SPOUT1: variants seen among roughly 807,000 people sequenced by gnomAD.
SPOUT1 encodes SPOUT domain containing methyltransferase 1.
Under a neutral mutation model 54.8 loss-of-function variants are expected in SPOUT1, and 40 were observed. That is an observed-to-expected ratio of 0.73 (90% confidence interval 0.57 to 0.95). The LOEUF (loss-of-function observed/expected upper bound fraction) is 0.95. SPOUT1 is among the 40% of genes least tolerant of loss of function. The pLI is 0.00. For synonymous variants in SPOUT1, 193 were observed against 200.3 expected (o/e 0.96, Z 0.31); for missense variants, 437 against 499.5 (o/e 0.87, Z 1.19).
chr9:128,824,132 A>G lies in SPOUT1; in HGVS notation c.854T>C (p.Leu285Pro). The G allele has an allele frequency of 6.2e-7, 1 of 1,613,676 alleles. No individual in the cohort carries two copies. The highest frequency in any genetic ancestry group is 8.5e-7 in the Non-Finnish European group (1 of 1,179,974). Residue 285 changes from leucine to proline, a missense_variant, in exon 10 of 12, where the codon CTG (leucine) becomes CCG (proline). By Grantham distance (98) the Leu-to-Pro change is moderately conservative. Transcript: ENST00000361256. ...GCCGCGCTCTGACGTCCCGATGGTC[A>G]GGTCATACCCATCTTGGAAGGGGGC... ...AEAPFQDGYD[L>P]TIGTSERGSD...
In SPOUT1 at chr9:128,819,772, C is replaced by G. The variant is rs1395888494; in HGVS notation, c.*2993G>C. 6.4e-6 allele frequency: 1 copy of G among 155,676 alleles called. No homozygotes were observed. The allele number at this position is 155,676 out of a possible 1,614,324, so 9.6% of individuals were successfully genotyped here. On this transcript the variant is annotated 3_prime_UTR_variant, in exon 12 of 12. Transcript: ENST00000361256. ...CTTGTTTTCCTGCAACTAGACAGTCCTATCTGGAGGTGATGGGCAACAACG... is the reference window on the plus strand; with the variant it reads ...CTTGTTTTCCTGCAACTAGACAGTCGTATCTGGAGGTGATGGGCAACAACG...
In SPOUT1 at chr9:128,824,067, C is replaced by T. The variant is rs766358513; in HGVS notation, c.914+5G>A. ...GCCCTGGCCGCAGCCCCAGGAGGTACACACCTGAAGTTGGGAAGCTGGGCA... is the reference window on the plus strand; with the variant it reads ...GCCCTGGCCGCAGCCCCAGGAGGTATACACCTGAAGTTGGGAAGCTGGGCA... On this transcript the variant is annotated splice_donor_5th_base_variant and intron_variant, in intron 10 of 11. Transcript: ENST00000361256. 5.0e-6 allele frequency: 8 copies of T among 1,611,164 alleles called. No homozygotes were observed. Among genetic ancestry groups the T allele is most frequent in the Non-Finnish European group, 6.8e-6 (8 of 1,177,816 alleles).
chr9:128,826,210 G>A lies in SPOUT1; in HGVS notation c.509-58C>T. 1 of 1,568,294 alleles carries A rather than the reference G, an allele frequency of 6.4e-7. No individual in the cohort carries two copies. Among genetic ancestry groups the A allele is most frequent in the African/African-American group, 1.3e-5 (1 of 74,236 alleles). ...GTGCTAGGGCACACAGGGTGCAGTGGGGACCCTGGAGCGGAGTACCGGCTC... is the reference window on the plus strand; with the variant it reads ...GTGCTAGGGCACACAGGGTGCAGTGAGGACCCTGGAGCGGAGTACCGGCTC... On this transcript the variant is annotated intron_variant, in intron 6 of 11. Transcript: ENST00000361256. This position sits in a 1 kb window ranked among gnomAD's most constrained non-coding sequence, Gnocchi z 5.5.
In SPOUT1 at chr9:128,825,956, T is replaced by C. The variant is rs532483467; in HGVS notation, c.639+66A>G. The C allele has an allele frequency of 2.4e-5, 38 of 1,605,970 alleles. No homozygotes were observed. In the Middle Eastern group the frequency reaches 2.0e-3, roughly 84 times the overall value. On this transcript the variant is annotated intron_variant, in intron 7 of 11. Coordinates refer to ENST00000361256, the MANE Select transcript of SPOUT1 (RefSeq NM_016390.4). ...GGTCCAGGGCTCTCCGCAACATCCA[T>C]CTGCTTGCCCTCCATTGCCAGGGTG... is the stretch of plus-strand genomic sequence containing the variant.
chr9:128,827,181 G>A lies in SPOUT1; in HGVS notation c.219C>T (p.Tyr73=). The A allele has an allele frequency of 6.2e-7, 1 of 1,612,686 alleles. No individual in the cohort carries two copies. Among genetic ancestry groups the A allele is most frequent in the Non-Finnish European group, 8.5e-7 (1 of 1,179,734 alleles). ...AGCCCGGCAGGGCTACGCTCAGTGTGTAGGGCCGCCCTGAGCAGGGGAGGG... is the reference window on the plus strand; with the variant it reads ...AGCCCGGCAGGGCTACGCTCAGTGTATAGGGCCGCCCTGAGCAGGGGAGGG... ...AAEKEDRGRP[Y]TLSVALPGSI... is the part of the protein sequence containing the mutation. Residue 73 remains tyrosine, a synonymous_variant, in exon 4 of 12, where the codon TAC becomes TAT. Coordinates refer to ENST00000361256, the MANE Select transcript of SPOUT1 (RefSeq NM_016390.4).
chr9:128,823,348 G>T (rs947630576), intron 11 of SPOUT1, among the ~76,000 whole-genome samples: 1 of 152,172 alleles, frequency 6.6e-6, no homozygotes, highest in African/African-American at 2.4e-5. Flanking sequence ...CAGGACGAAG[G>T]CTCCAGCTGC....
At position 128,829,730 on chromosome 9, in the gene SPOUT1, G is replaced by A. The variant is rs752164421; in HGVS notation, c.36+15C>T. 6.9e-6 allele frequency: 11 copies of A among 1,590,596 alleles called. No homozygotes were observed. Among genetic ancestry groups the A allele is most frequent in the Non-Finnish European group, 9.4e-6 (11 of 1,167,496 alleles). ...ACCATGCTGCCCTGCACGGGGTCCC[G>A]CCGCCCGCACTTACCGGGCCGCACG... On this transcript the variant is annotated intron_variant, in intron 1 of 11. Coordinates refer to ENST00000361256, the MANE Select transcript of SPOUT1 (RefSeq NM_016390.4).
Position 128,822,272 on chromosome 9 carries a change from G to C in SPOUT1, c.*493C>G. ...AGATCAGGGAAGGCTGCCTGGAAGAGGTGGCTTTGGGTTCATCCAGGCCCC... is the reference window on the plus strand; with the variant it reads ...AGATCAGGGAAGGCTGCCTGGAAGACGTGGCTTTGGGTTCATCCAGGCCCC... On this transcript the variant is annotated 3_prime_UTR_variant, in exon 12 of 12. Transcript: ENST00000361256. 1 of 1,578,472 alleles carries C rather than the reference G, an allele frequency of 6.3e-7. No individual in the cohort carries two copies. The highest frequency in any genetic ancestry group is 1.3e-5 in the African/African-American group (1 of 74,544).
intron 8 of SPOUT1, 51 bp from the exon 9 acceptor site, chr9:128,824,920 T>C (rs1208291376): frequency 1.9e-6 from 3 of 1,598,836 alleles, no homozygotes; most frequent in Non-Finnish European, 2.6e-6. Flanking sequence ...TGGAAGCAGG[T>C]GGCTGAACCC....
rs774714602 is a variant in SPOUT1, at chr9:128,823,902, A to C, written c.915-8T>G. On this transcript the variant is annotated splice_region_variant and splice_polypyrimidine_tract_variant and intron_variant, in intron 10 of 11. Transcript: ENST00000361256. ...AACACCACAAGAGCATGCCTGGCCCATGTAAGAGGGGGTCACCTGAGCGGC... is the reference window on the plus strand; with the variant it reads ...AACACCACAAGAGCATGCCTGGCCCCTGTAAGAGGGGGTCACCTGAGCGGC... 1 of 1,612,478 alleles carries C rather than the reference A, an allele frequency of 6.2e-7. No individual in the cohort carries two copies. The highest frequency in any genetic ancestry group is 1.1e-5 in the South Asian group (1 of 90,922).
At position 128,826,360 on chromosome 9, in the gene SPOUT1, G is replaced by T. The variant is rs985572751; in HGVS notation, c.508+24C>A. 4.3e-6 allele frequency: 7 copies of T among 1,612,588 alleles called. No individual in the cohort carries two copies. The highest frequency in any genetic ancestry group is 1.7e-5 in the Admixed American group (1 of 59,974). On this transcript the variant is annotated intron_variant, in intron 6 of 11. Transcript: ENST00000361256. The surrounding 1 kb of genome is among the most constrained non-coding windows in gnomAD (Gnocchi z 5.5). ...CTGTGGCATGATCCAGGGGAAATGG[G>T]GGGGCGGGCCCATACAGCGTTACCT...
Position 128,826,222 on chromosome 9 carries a change from C to T in SPOUT1, c.509-70G>A, listed in dbSNP as rs929012641. On this transcript the variant is annotated intron_variant, in intron 6 of 11. Transcript: ENST00000361256. This position sits in a 1 kb window ranked among gnomAD's most constrained non-coding sequence, Gnocchi z 5.5. ...ACAGGGTGCAGTGGGGACCCTGGAGCGGAGTACCGGCTCTGCCACAGACCT... is the reference window on the plus strand; with the variant it reads ...ACAGGGTGCAGTGGGGACCCTGGAGTGGAGTACCGGCTCTGCCACAGACCT... The T allele has an allele frequency of 1.9e-5, 30 of 1,556,562 alleles. No individual in the cohort carries two copies. Among genetic ancestry groups the T allele is most frequent in the African/African-American group, 6.8e-5 (5 of 73,810 alleles).
In SPOUT1 at chr9:128,824,826, AG is replaced by A; in HGVS notation, c.755del (p.Pro252LeufsTer34). On this transcript the variant is annotated frameshift_variant, in exon 9 of 12. Transcript: ENST00000361256. LOFTEE classifies it high-confidence loss of function. Reference protein sequence around the residue: ...YHGKVVSSQDPRTKAGLYWGY... With the variant: ...YHGKVVSSQDXRTKAGLYWGY... The stretch of plus-strand genomic sequence containing the variant: ...CCCAGTAGAGACCAGCTTTGGTGCG[AG>A]GGTCCTGCGATGATACCACTTTGCC... 6.2e-7 allele frequency: 1 copy of A among 1,614,088 alleles called. No homozygotes were observed.
At position 128,826,418 on chromosome 9, in the gene SPOUT1, C is replaced by T. The variant is rs200540018; in HGVS notation, c.474G>A (p.Ala158=). ...YLECPQYLRK[A]FFPKHQDLQF... ...GTAGATCCTGGTGCTTGGGGAAGAA[C>T]GCCTTCCTCAGGTACCTAGGAAAGA... The change falls in exon 6 of 12, where the codon GCG becomes GCA. Residue 158 remains alanine, a synonymous_variant. Transcript: ENST00000361256. This position sits in a 1 kb window ranked among gnomAD's most constrained non-coding sequence, Gnocchi z 5.5. 166 of 1,613,922 alleles carry T rather than the reference C, an allele frequency of 1.0e-4. No homozygotes were observed. The highest frequency in any genetic ancestry group is 4.3e-4 in the Admixed American group (26 of 59,998).
Position 128,824,828 on chromosome 9 carries a change from G to C in SPOUT1, c.754C>G (p.Pro252Ala). The change falls in exon 9 of 12, where the codon CCT becomes GCT. Residue 252 changes from proline (P) to alanine (A), a missense_variant. Physicochemically the swap from Pro to Ala is conservative, Grantham distance 27. Coordinates refer to ENST00000361256, the MANE Select transcript of SPOUT1 (RefSeq NM_016390.4). ...CAGTAGAGACCAGCTTTGGTGCGAGGGTCCTGCGATGATACCACTTTGCCA... is the reference window on the plus strand; with the variant it reads ...CAGTAGAGACCAGCTTTGGTGCGAGCGTCCTGCGATGATACCACTTTGCCA... ...YHGKVVSSQD[P>A]RTKAGLYWGY... 6.2e-7 allele frequency: 1 copy of C among 1,614,102 alleles called. No homozygotes were observed. Among genetic ancestry groups the C allele is most frequent in the Non-Finnish European group, 8.5e-7 (1 of 1,179,984 alleles).
At chr9:128,829,676 G>GC in intron 1 of SPOUT1, 69 bp downstream of exon 1, 1 of 1,238,336 alleles carries the variant, frequency 8.1e-7, no homozygotes, top group Admixed American at 2.1e-5. Context: ...CCCGGCGAAG[G>GC]CCCCCACGCC....
chr9:128,826,805 G>C lies in SPOUT1; in HGVS notation c.369-176C>G, dbSNP rs115169028. 1.3e-5 allele frequency among the ~76,000 whole-genome samples: 2 copies of C among 152,110 alleles called. No individual in the cohort carries two copies. Among genetic ancestry groups the C allele is most frequent in the African/African-American group, 4.8e-5 (2 of 41,414 alleles). On this transcript the variant is annotated intron_variant, in intron 4 of 11. Coordinates refer to ENST00000361256, the MANE Select transcript of SPOUT1 (RefSeq NM_016390.4). The surrounding 1 kb of genome is among the most constrained non-coding windows in gnomAD (Gnocchi z 5.5). ...CCATGCCACTGCATGCACTCCAGCC[G>C]GGGTGACAGCTGAGATACAGGTTTA...
intron 10 of SPOUT1, 54 bp downstream of exon 10, chr9:128,824,018 C>A: frequency 6.3e-7 from 1 of 1,581,966 alleles, no homozygotes; most frequent in Non-Finnish European, 8.7e-7. Context: ...ACCCACCAGG[C>A]AGGTTCCTGG....
chr9:128,829,272 A>G (rs1589597679), intron 1 of SPOUT1, 117 bp from the exon 2 acceptor site: 1 of 867,844 alleles, frequency 1.2e-6, no homozygotes, highest in Admixed American at 1.7e-5. Flanking sequence ...AAGCCAAGGA[A>G]CCTCTGCGAA....
Sources: allele counts gnomAD v4.1 joint callset (sites outside exome capture counted in the v4.1 genomes callset), GRCh38; gene constraint gnomAD v4.1.1; non-coding constraint Gnocchi (gnomAD v3.1); transcripts MANE v1.5; gene names NCBI Gene and HGNC (gene_info 2026-07-23, HGNC 2026-07-21).